CPXM2: variants seen among roughly 807,000 people sequenced by gnomAD.
CPXM2 encodes carboxypeptidase X, M14 family member 2.
A neutral mutation model predicts 86.1 loss-of-function variants in CPXM2; 66 were observed. That is an observed-to-expected ratio of 0.77 (90% CI 0.63 to 0.94). The LOEUF (loss-of-function observed/expected upper bound fraction) is 0.94. Ranked by LOEUF, CPXM2 falls within the 40% of genes least tolerant of loss-of-function variation. CPXM2 has a pLI of 0.00. For synonymous variants in CPXM2, 388 were observed against 400.2 expected (o/e 0.97, Z 0.36); for missense variants, 948 against 1,026.3 (o/e 0.92, Z 1.04).
At chr10:123,764,403 C>T (rs1275812760) in intron 10 of CPXM2, among the ~76,000 whole-genome samples, 2 of 151,988 alleles carry the variant, frequency 1.3e-5, no homozygotes, top group African/African-American at 4.8e-5. Context: ...TCAAACACAC[C>T]TTTCTATAGA....
At chr10:123,856,441 G>A (rs1366637048) in intron 3 of CPXM2, among the ~76,000 whole-genome samples, 11 of 152,296 alleles carry the variant, frequency 7.2e-5, no homozygotes, top group African/African-American at 2.2e-4. Context: ...TTATGACCCA[G>A]GGAAAATATC....
At chr10:123,874,771 G>A (rs1355735957) in intron 2 of CPXM2, among the ~76,000 whole-genome samples, 1 of 152,162 alleles carries the variant, frequency 6.6e-6, no homozygotes, top group Non-Finnish European at 1.5e-5. Flanking sequence ...CCTTGTCATG[G>A]GGATTCTGGG....
At chr10:123,769,904 A>T (rs561820795) in intron 8 of CPXM2, among the ~76,000 whole-genome samples, 1 of 152,336 alleles carries the variant, frequency 6.6e-6, no homozygotes, top group South Asian at 2.1e-4. Context: ...CTGACAACAC[A>T]TCTCCTTCCC....
intron 3 of CPXM2, among the ~76,000 whole-genome samples, chr10:123,849,385 C>T (rs528820476): frequency 7.9e-5 from 12 of 151,962 alleles, no homozygotes; most frequent in Non-Finnish European, 1.8e-4. Context: ...TCCTCCTTCC[C>T]CTTTATCCCC....
chr10:123,908,718 A>G, intron 2 of CPXM2, among the ~76,000 whole-genome samples: 1 of 152,164 alleles, frequency 6.6e-6, no homozygotes, highest in Non-Finnish European at 1.5e-5. Flanking sequence ...GGATCTATCC[A>G]TGTGTTCAAG....
intron 4 of CPXM2, among the ~76,000 whole-genome samples, chr10:123,820,348 T>C (rs59229001): frequency 0.14 from 21,979 of 151,944 alleles, 1,709 homozygotes; most frequent in East Asian, 0.33. Flanking sequence ...GAAGAGACCC[T>C]CTGAGAGAGT....
chr10:123,914,533 C>A (rs1373013587), intron 2 of CPXM2, among the ~76,000 whole-genome samples: 1 of 152,170 alleles, frequency 6.6e-6, no homozygotes, highest in African/African-American at 2.4e-5. Context: ...AGGTCCCAAA[C>A]TTCACTCGAA....
chr10:123,761,942 C>T lies in CPXM2; in HGVS notation c.1707G>A (p.Val569=). The T allele has an allele frequency of 6.2e-7, 1 of 1,613,906 alleles. No homozygotes were observed. The highest frequency in any genetic ancestry group is 8.5e-7 in the Non-Finnish European group (1 of 1,179,910). Residue 569 remains valine (V), a synonymous_variant, in exon 11 of 14, where the codon GTG becomes GTA. Coordinates refer to ENST00000241305, the MANE Select transcript of CPXM2 (RefSeq NM_198148.3). ...HRLMTDARRR[V]CHTEDFQKEE... is the part of the protein sequence containing the mutation. The stretch of plus-strand genomic sequence containing the variant: ...CCTTCTGGAAGTCCTCCGTGTGGCA[C>T]ACCCTCCTCCGGGCGTCTGTCATGA...
In CPXM2 at chr10:123,746,727, G is replaced by T; in HGVS notation, c.*37C>A. On this transcript the variant is annotated 3_prime_UTR_variant, in exon 14 of 14. Coordinates refer to ENST00000241305, the MANE Select transcript of CPXM2 (RefSeq NM_198148.3). Reference sequence around the variant, plus strand: ...AGCTACTACCAGGTTGGTTTAATTTGCATGGGTCCCAGACGAGTCTCAAGG... The same window carrying T: ...AGCTACTACCAGGTTGGTTTAATTTTCATGGGTCCCAGACGAGTCTCAAGG... 6.2e-7 allele frequency: 1 copy of T among 1,604,502 alleles called. No homozygotes were observed. The highest frequency in any genetic ancestry group is 8.5e-7 in the Non-Finnish European group (1 of 1,174,830).
At chr10:123,881,923 G>A (rs144620712) in intron 1 of CPXM2, among the ~76,000 whole-genome samples, 5 of 152,352 alleles carry the variant, frequency 3.3e-5, no homozygotes, top group African/African-American at 9.6e-5. Context: ...ATGAATGCAC[G>A]AATGAACAAA....
chr10:123,867,390 T>C (rs1445222253), intron 2 of CPXM2, among the ~76,000 whole-genome samples: 1 of 152,232 alleles, frequency 6.6e-6, no homozygotes, highest in Non-Finnish European at 1.5e-5. Context: ...GCTTTAAAGA[T>C]CTAAATTAAT....
At chr10:123,877,682 A>G (rs1411997403) in intron 2 of CPXM2, among the ~76,000 whole-genome samples, 1 of 152,210 alleles carries the variant, frequency 6.6e-6, no homozygotes, top group East Asian at 1.9e-4. Flanking sequence ...GGAACTAAAG[A>G]GTTACACAGC....
intron 2 of CPXM2, among the ~76,000 whole-genome samples, chr10:123,877,579 C>T (rs1272262534): frequency 1.3e-5 from 2 of 152,148 alleles, no homozygotes; most frequent in East Asian, 3.9e-4. Context: ...AAAGCTTGGG[C>T]TCAGAACTGA....
chr10:123,844,631 C>G (rs1309089939), intron 3 of CPXM2, among the ~76,000 whole-genome samples: 1 of 152,096 alleles, frequency 6.6e-6, no homozygotes, highest in African/African-American at 2.4e-5. Context: ...TCTCAAAAGT[C>G]AACCCCAAGC....
chr10:123,772,255 GGTTGTGGTTCTCACCTTCACT>G (rs11269827), intron 7 of CPXM2, among the ~76,000 whole-genome samples: 137,022 of 151,040 alleles, frequency 0.91, 62,142 homozygotes, highest in East Asian at 0.93. Flanking sequence ...TCGCTACCCT[GGTTGTGGTTCTCACCTTCACT>G]GTTGTGGTTC....
chr10:123,844,679 G>A (rs1848461388), intron 3 of CPXM2, among the ~76,000 whole-genome samples: 2 of 152,080 alleles, frequency 1.3e-5, no homozygotes, highest in South Asian at 4.2e-4. Flanking sequence ...TTTGATCTCT[G>A]ATAAAACCAA....
chr10:123,914,878 A>G (rs28449601), intron 2 of CPXM2, among the ~76,000 whole-genome samples: 51,224 of 152,038 alleles, frequency 0.34, 9,248 homozygotes, highest in Middle Eastern at 0.55. Flanking sequence ...ACTAGTCCCC[A>G]TATTCCCTCT....
chr10:123,919,328 T>C (rs1204966760), intron 2 of CPXM2, among the ~76,000 whole-genome samples: 2 of 152,246 alleles, frequency 1.3e-5, no homozygotes, highest in Non-Finnish European at 2.9e-5. Flanking sequence ...TATCAGAAGA[T>C]TTTAACAGTG....
chr10:123,929,724 C>A (rs981658928), intron 2 of CPXM2, among the ~76,000 whole-genome samples: 2 of 149,034 alleles, frequency 1.3e-5, no homozygotes, highest in African/African-American at 2.5e-5. Context: ...CTGCAAGGAA[C>A]CTGCTGCCCC....
Sources: gnomAD v4.1 joint callset for allele counts (sites outside exome capture counted in the v4.1 genomes callset) on GRCh38, gnomAD v4.1.1 for gene constraint, MANE v1.5 for transcripts, NCBI Gene and HGNC (gene_info 2026-07-23, HGNC 2026-07-21) for gene names.